The following OR51B5 variants were observed in gnomAD, a reference collection of about 807,000 sequenced individuals.
OR51B5 encodes the protein olfactory receptor family 51 subfamily B member 5, also known as olfactory receptor 51B5.
For missense variants in OR51B5, 456 were observed against 374.6 expected, an observed-to-expected ratio of 1.22 and a Z score of -1.79; for synonymous variants, 186 against 144.8, an observed-to-expected ratio of 1.28 and a Z score of -2.04.
At chr11:5,411,845 T>C (rs1010639715) in intron 1 of OR51B5, among the ~76,000 whole-genome samples, 2 of 152,142 alleles carry the variant, frequency 1.3e-5, no homozygotes, top group Non-Finnish European at 2.9e-5. Context: ...GCTGGCTTTG[T>C]AGAGAGAGAA....
At chr11:5,402,632 T>C in intron 1 of OR51B5, 1 of 471,360 alleles carries the variant, frequency 2.1e-6, no homozygotes, top group Non-Finnish European at 4.4e-6. Flanking sequence ...GGTTTTTACC[T>C]ACGACTTTCA....
chr11:5,375,216 T>G (rs896312425), intron 1 of OR51B5, among the ~76,000 whole-genome samples: 7 of 147,168 alleles, frequency 4.8e-5, no homozygotes, highest in African/African-American at 1.8e-4. Context: ...ACACAGAATT[T>G]AATATCCAGC....
At position 5,454,216 on chromosome 11, in the gene OR51B5, C is replaced by A. The variant is rs1269093803; in HGVS notation, n.84+51353G>T. On this transcript the variant is annotated intron_variant and non_coding_transcript_variant, in intron 1 of 4. Coordinates refer to the OR51B5 transcript ENST00000415970. The stretch of plus-strand genomic sequence containing the variant: ...CTCAAAGCTCTCAACACATGTGTGT[C>A]ACATATCCTGGCTGTACTTGCATTT... The A allele has an allele frequency of 2.5e-6, 4 of 1,614,026 alleles. No individual in the cohort carries two copies. The African/African-American group carries it at 5.3e-5, about 22-fold the overall frequency.
intron 1 of OR51B5, among the ~76,000 whole-genome samples, chr11:5,446,550 C>T (rs1402975288): frequency 6.6e-6 from 1 of 152,128 alleles, no homozygotes; most frequent in Non-Finnish European, 1.5e-5. Flanking sequence ...CCCCAAGCAT[C>T]TTTTATATCA....
At chr11:5,498,240 C>T (rs451326) in intron 1 of OR51B5, among the ~76,000 whole-genome samples, 150,380 of 152,298 alleles carry the variant, frequency 0.99, 74,276 homozygotes, top group East Asian at 1. Flanking sequence ...CTATCTTTGG[C>T]GATCCTTGGG....
At chr11:5,411,306 A>G (rs1850145778) in intron 1 of OR51B5, among the ~76,000 whole-genome samples, 1 of 152,230 alleles carries the variant, frequency 6.6e-6, no homozygotes, top group African/African-American at 2.4e-5. Context: ...AGTATTCAGT[A>G]GAGCAACATG....
chr11:5,437,131 C>G (rs1850605511), intron 1 of OR51B5, among the ~76,000 whole-genome samples: 1 of 152,102 alleles, frequency 6.6e-6, no homozygotes, highest in South Asian at 2.1e-4. Context: ...ATACTGCCCT[C>G]TCTCCACTGA....
intron 1 of OR51B5, among the ~76,000 whole-genome samples, chr11:5,500,013 C>G (rs952930173): frequency 2.0e-5 from 3 of 152,136 alleles, no homozygotes; most frequent in Non-Finnish European, 4.4e-5. Flanking sequence ...TGATGTGATC[C>G]CTGCCTAGCC....
chr11:5,466,025 T>C (rs564646947), intron 1 of OR51B5, among the ~76,000 whole-genome samples: 130 of 151,880 alleles, frequency 8.6e-4, no homozygotes, highest in African/African-American at 2.9e-3. Context: ...ACAGGCAACC[T>C]ACAAAATGGG....
intron 1 of OR51B5, among the ~76,000 whole-genome samples, chr11:5,451,759 G>C (rs7104300): frequency 3.3e-5 from 5 of 151,962 alleles, no homozygotes; most frequent in Admixed American, 2.0e-4. Flanking sequence ...TGCTTTGTTA[G>C]AGGTTGGAGA....
chr11:5,389,962 C>T (rs775685916), intron 1 of OR51B5: 5 of 1,611,864 alleles, frequency 3.1e-6, no homozygotes, highest in Non-Finnish European at 8.5e-7. Flanking sequence ...TCCTCTCCCA[C>T]TCATTTTGCC....
chr11:5,458,142 G>T lies in OR51B5; in HGVS notation n.84+47427C>A, dbSNP rs1850988824. Among the ~76,000 whole-genome samples, 3 of 151,982 alleles carry T rather than the reference G, an allele frequency of 2.0e-5. No homozygotes were observed. In the South Asian group the frequency reaches 6.2e-4, roughly 31 times the overall value. ...TTTAATTTATTTTGAATTGATTTTTGTGTATGATGAAAGGAAGAGGTCCAG... is the reference window on the plus strand; with the variant it reads ...TTTAATTTATTTTGAATTGATTTTTTTGTATGATGAAAGGAAGAGGTCCAG... On this transcript the variant is annotated intron_variant and non_coding_transcript_variant, in intron 1 of 4. Transcript: ENST00000415970.
intron 1 of OR51B5, among the ~76,000 whole-genome samples, chr11:5,416,185 A>G (rs1189892738): frequency 3.4e-5 from 5 of 147,932 alleles, no homozygotes; most frequent in Admixed American, 6.9e-5. Flanking sequence ...CCACATGATT[A>G]TCTCAATAGA....
intron 1 of OR51B5, among the ~76,000 whole-genome samples, chr11:5,371,762 G>C (rs1435440859): frequency 1.3e-5 from 2 of 151,632 alleles, no homozygotes; most frequent in Admixed American, 6.6e-5. Context: ...CTTTTTCTTT[G>C]TGTAAGGGCA....
At chr11:5,468,850 G>A (rs1219107629) in intron 1 of OR51B5, 1 of 429,660 alleles carries the variant, frequency 2.3e-6, no homozygotes, top group African/African-American at 2.0e-5. Flanking sequence ...TGTCTCCACA[G>A]GGCAGCCGAA....
chr11:5,456,858 A>T (rs1017885602), intron 1 of OR51B5, among the ~76,000 whole-genome samples: 3 of 152,172 alleles, frequency 2.0e-5, no homozygotes, highest in African/African-American at 7.2e-5. Flanking sequence ...TGTTGTTCTC[A>T]TGATAGTGAG....
intron 1 of OR51B5, among the ~76,000 whole-genome samples, chr11:5,377,859 T>G (rs2133714520): frequency 6.6e-6 from 1 of 152,218 alleles, no homozygotes; most frequent in African/African-American, 2.4e-5. Context: ...GTAGGAAGAA[T>G]CAATATCATC....
chr11:5,385,077 C>T (rs1849665845), intron 1 of OR51B5, among the ~76,000 whole-genome samples: 1 of 152,150 alleles, frequency 6.6e-6, no homozygotes, highest in Non-Finnish European at 1.5e-5. Context: ...GAGCCAATTA[C>T]TCATTGTATA....
At chr11:5,421,971 A>G (rs1450149439) in intron 1 of OR51B5, 16 of 493,748 alleles carry the variant, frequency 3.2e-5, no homozygotes, top group East Asian at 1.3e-4. Context: ...GAATTAATAT[A>G]TATTCCGTCA....
Sources: gnomAD v4.1 joint callset for allele counts (sites outside exome capture counted in the v4.1 genomes callset) on GRCh38, gnomAD v4.1.1 for gene constraint, MANE v1.5 for transcripts, NCBI Gene and HGNC (gene_info 2026-07-23, HGNC 2026-07-21) for gene names.